RCCD1: variants seen among roughly 807,000 people sequenced by gnomAD.
RCCD1 encodes the protein RCC1 domain-containing protein 1.
Under a neutral mutation model 37.6 loss-of-function variants are expected in RCCD1, and 40 were observed. That is an observed-to-expected ratio of 1.06 (90% CI 0.83 to 1.39). The LOEUF is 1.39. RCCD1 is among the 40% of genes most tolerant of loss of function. RCCD1 has a pLI of 0.00. For missense variants in RCCD1, 577 were observed against 517.3 expected (o/e 1.12, Z -1.12); for synonymous variants, 263 against 230.0 (o/e 1.14, Z -1.30).
chr15:90,955,940 TA>T (rs1324853177), intron 1 of RCCD1: 1 of 152,150 alleles, frequency 6.6e-6, no homozygotes, highest in East Asian at 1.9e-4. Context: ...TGTCCAGGGA[TA>T]ATTTTTTTGT....
At chr15:90,959,248 T>C (rs1422155401) in intron 4 of RCCD1, among the ~76,000 whole-genome samples, 1 of 152,196 alleles carries the variant, frequency 6.6e-6, no homozygotes, top group Non-Finnish European at 1.5e-5. Context: ...ATTAAGTGAT[T>C]ATATTTGAAA....
At chr15:90,961,435 G>C (rs12914031) in intron 7 of RCCD1, 183 bp from the exon 8 acceptor site, 39,939 of 621,456 alleles carry the variant, frequency 0.064, 1,694 homozygotes, top group South Asian at 0.15. Context: ...GTCTTGCCTG[G>C]AGTGGCTGGT....
At position 90,962,343 on chromosome 15, in the gene RCCD1, G is replaced by A. The variant is rs2037332504; in HGVS notation, c.*574G>A. On this transcript the variant is annotated 3_prime_UTR_variant, in exon 8 of 8. Coordinates refer to ENST00000394258, the MANE Select transcript of RCCD1 (RefSeq NM_001017919.2). ...TATGAATAATACCTCAAGTGATACA[G>A]CCTTGTTGATGGTCATTTTTATTGT... The A allele has an allele frequency of 6.6e-6, 1 of 152,190 alleles. No homozygotes were observed. 9.4% of individuals were successfully genotyped at this position (152,190 alleles called of 1,614,324 possible). A position where few individuals can be genotyped will look rare whatever the true frequency, so the allele number is the denominator to read the frequency against.
At chr15:90,960,583 A>G in intron 6 of RCCD1, 85 bp downstream of exon 6, 1 of 1,344,698 alleles carries the variant, frequency 7.4e-7, no homozygotes, top group Non-Finnish European at 1.0e-6. Flanking sequence ...TTCTGTCTTA[A>G]GGCTTCTGTG....
At chr15:90,957,563 C>A in intron 3 of RCCD1, 41 bp from the exon 4 acceptor site, 3 of 1,612,936 alleles carry the variant, frequency 1.9e-6, no homozygotes, top group Non-Finnish European at 2.5e-6. Context: ...GAGCGGGACC[C>A]CTTAATGCGA....
Position 90,962,949 on chromosome 15 carries a change from T to C in RCCD1, c.*1180T>C, listed in dbSNP as rs2037343138. On this transcript the variant is annotated 3_prime_UTR_variant, in exon 8 of 8. Coordinates refer to ENST00000394258, the MANE Select transcript of RCCD1 (RefSeq NM_001017919.2). ...AAAGTGCTTTACAAGTATCAACTTA[T>C]TTTGATAAAATAAGCTTATCAGTAG... The C allele has an allele frequency of 6.6e-6, 1 of 152,226 alleles. No individual in the cohort carries two copies. The highest frequency in any genetic ancestry group is 1.5e-5 in the Non-Finnish European group (1 of 68,048). 9.4% of individuals were successfully genotyped at this position (152,226 alleles called of 1,614,324 possible).
rs1306164911 is a variant in RCCD1 at position 90,963,109 on chromosome 15, G to T, written c.*1340G>T. 1 of 152,106 alleles carries T rather than the reference G, an allele frequency of 6.6e-6. No homozygotes were observed. Among genetic ancestry groups the T allele is most frequent in the East Asian group, 1.9e-4 (1 of 5,200 alleles). The allele number at this position is 152,106 out of a possible 1,614,324, so 9.4% of individuals were successfully genotyped here. A position where few individuals can be genotyped will look rare whatever the true frequency, so the allele number is the denominator to read the frequency against. On this transcript the variant is annotated 3_prime_UTR_variant, in exon 8 of 8. Transcript: ENST00000394258. ...TTATGTTCAATAAAAAACAAAAATT[G>T]TTTTTAACCATTTTAAGTACATAGT...
rs2037326054 is a variant in RCCD1 at position 90,962,013 on chromosome 15, T to C, written c.*244T>C. On this transcript the variant is annotated 3_prime_UTR_variant, in exon 8 of 8. Transcript: ENST00000394258. Reference sequence around the variant, plus strand: ...AATGAAACAATGAAACCAGAGCTTCTAGGTGTGTGGCCTGGATAGTGGTAG... The same window carrying C: ...AATGAAACAATGAAACCAGAGCTTCCAGGTGTGTGGCCTGGATAGTGGTAG... 1 of 295,104 alleles carries C rather than the reference T, an allele frequency of 3.4e-6. No individual in the cohort carries two copies. Among genetic ancestry groups the C allele is most frequent in the Non-Finnish European group, 6.3e-6 (1 of 157,836 alleles). The allele number at this position is 295,104 out of a possible 1,614,324, so 18.3% of individuals were successfully genotyped here. A position where few individuals can be genotyped will look rare whatever the true frequency, so the allele number is the denominator to read the frequency against.
rs79548680 is a variant in RCCD1, at chr15:90,962,549, G to A, written c.*780G>A. The A allele has an allele frequency of 6.6e-6, 1 of 152,114 alleles. No individual in the cohort carries two copies. The highest frequency in any genetic ancestry group is 6.6e-5 in the Admixed American group (1 of 15,266). 9.4% of individuals were successfully genotyped at this position (152,114 alleles called of 1,614,324 possible). ...TAAAATGTCAGGTAGATGCACACTG[G>A]TTTTAATTGGCATTTCCCTGGATAC... On this transcript the variant is annotated 3_prime_UTR_variant, in exon 8 of 8. Transcript: ENST00000394258.
rs377530503 is a variant in RCCD1, at chr15:90,961,700, C to G, written c.1062C>G (p.Leu354=). The stretch of plus-strand genomic sequence containing the variant: ...TGGAATACTTTGTAGATAAGCAACT[C>G]CAAGTAAAGGCTGTCACCTGTGGGC... The part of the protein sequence containing the change: ...RRVEYFVDKQ[L]QVKAVTCGPW... The change falls in exon 8 of 8, where the codon CTC becomes CTG. Residue 354 remains leucine (L), a synonymous_variant. Coordinates refer to ENST00000394258, the MANE Select transcript of RCCD1 (RefSeq NM_001017919.2). The G allele has an allele frequency of 6.2e-7, 1 of 1,614,154 alleles. No homozygotes were observed. The highest frequency in any genetic ancestry group is 1.3e-5 in the African/African-American group (1 of 75,036).
In RCCD1 at chr15:90,959,985, T is replaced by G. The variant is rs1238984188; in HGVS notation, c.765T>G (p.Thr255=). The G allele has an allele frequency of 6.2e-7, 1 of 1,612,958 alleles. No homozygotes were observed. The highest frequency in any genetic ancestry group is 1.1e-5 in the South Asian group (1 of 90,968). Residue 255 remains threonine (T), a synonymous_variant, in exon 5 of 8, where the codon ACT becomes ACG. Coordinates refer to ENST00000394258, the MANE Select transcript of RCCD1 (RefSeq NM_001017919.2). The part of the protein sequence containing the change: ...PTRNLAEDGE[T]VAREATELNE... ...GGAACCTGGCAGAGGATGGAGAGAC[T>G]GTCGCAAGGGAAGGTGAGGGTCATC... is the stretch of plus-strand genomic sequence containing the variant.
Position 90,962,305 on chromosome 15 carries a change from T to C in RCCD1, c.*536T>C, listed in dbSNP as rs2037331846. ...CCTGGAGTTCATTTTTAATGCTATA[T>C]GGTGTTCTGTTGTATGAATAATACC... On this transcript the variant is annotated 3_prime_UTR_variant, in exon 8 of 8. Coordinates refer to ENST00000394258, the MANE Select transcript of RCCD1 (RefSeq NM_001017919.2). 6.5e-6 allele frequency: 1 copy of C among 152,686 alleles called. No homozygotes were observed. Among genetic ancestry groups the C allele is most frequent in the Non-Finnish European group, 1.5e-5 (1 of 68,372 alleles). 9.5% of individuals were successfully genotyped at this position (152,686 alleles called of 1,614,324 possible).
At chr15:90,959,757 G>A (rs573281639) in intron 4 of RCCD1, 143 bp from the exon 5 acceptor site, 20 of 572,518 alleles carry the variant, frequency 3.5e-5, no homozygotes, top group East Asian at 3.4e-4. Flanking sequence ...CCTGGGGCCC[G>A]AGGGGAAGCG....
Position 90,959,513 on chromosome 15 carries a change from T to C in RCCD1, c.680-387T>C, listed in dbSNP as rs80179105. ...TATTGCTGAGGCTAGTCTCGAACTTTTGAGCTCAAGTGATCTACCCATCTC... is the reference window on the plus strand; with the variant it reads ...TATTGCTGAGGCTAGTCTCGAACTTCTGAGCTCAAGTGATCTACCCATCTC... On this transcript the variant is annotated intron_variant, in intron 4 of 7. Coordinates refer to ENST00000394258, the MANE Select transcript of RCCD1 (RefSeq NM_001017919.2). 3.0e-4 allele frequency among the ~76,000 whole-genome samples: 46 copies of C among 152,292 alleles called. 1 individual carries two copies. In the East Asian group the frequency reaches 6.2e-3, roughly 20 times the overall value.
chr15:90,960,361 A>G lies in RCCD1; in HGVS notation c.812A>G (p.Lys271Arg). The change falls in exon 6 of 8, where the codon AAG becomes AGG. Residue 271 changes from lysine (K) to arginine (R), a missense_variant. By Grantham distance (26) the Lys-to-Arg change is conservative. Transcript: ENST00000394258. ...CTGAATGAAGATGGTTCTCAGGTGA[A>G]GAGAACGGGTGGGGCTGAGGATGGA... ...TELNEDGSQV[K>R]RTGGAEDGAP... 6.2e-7 allele frequency: 1 copy of G among 1,612,512 alleles called. No homozygotes were observed.
chr15:90,958,860 G>A (rs869523), intron 4 of RCCD1, among the ~76,000 whole-genome samples: 4,378 of 150,294 alleles, frequency 0.029, 223 homozygotes, highest in African/African-American at 0.1. Flanking sequence ...TGAGCCACGC[G>A]TGAGTGGAGG....
In RCCD1 at chr15:90,959,990, C is replaced by A. The variant is rs758327549; in HGVS notation, c.770C>A (p.Ala257Glu). The change falls in exon 5 of 8, where the codon GCA (alanine) becomes GAA (glutamate). Residue 257 changes from alanine to glutamate, a missense_variant. By Grantham distance (107) the Ala-to-Glu change is moderately radical. Transcript: ENST00000394258. ...RNLAEDGETV[A>E]REATELNEDG... Reference sequence around the variant, plus strand: ...CTGGCAGAGGATGGAGAGACTGTCGCAAGGGAAGGTGAGGGTCATCTCGGC... The same window carrying A: ...CTGGCAGAGGATGGAGAGACTGTCGAAAGGGAAGGTGAGGGTCATCTCGGC... 2 of 1,612,322 alleles carry A rather than the reference C, an allele frequency of 1.2e-6. No homozygotes were observed. Among genetic ancestry groups the A allele is most frequent in the African/African-American group, 1.3e-5 (1 of 74,892 alleles).
rs145551283 is a variant in RCCD1, at chr15:90,960,722, C to T, written c.949+224C>T. The T allele has an allele frequency of 6.1e-3, 3,733 of 611,676 alleles. 20 individuals are homozygous for T. The highest frequency in any genetic ancestry group is 8.6e-3 in the Non-Finnish European group (2,992 of 347,388). The allele number at this position is 611,676 out of a possible 1,614,324, so 37.9% of individuals were successfully genotyped here. A position where few individuals can be genotyped will look rare whatever the true frequency, so the allele number is the denominator to read the frequency against. ...TGGGAGGCTGATGCTTTCTGTCCTC[C>T]CTGCACGGCCACAGACACATTCCCT... is the stretch of plus-strand genomic sequence containing the variant. On this transcript the variant is annotated intron_variant, in intron 6 of 7. Coordinates refer to ENST00000394258, the MANE Select transcript of RCCD1 (RefSeq NM_001017919.2).
At position 90,962,863 on chromosome 15, in the gene RCCD1, C is replaced by A. The variant is rs766762589; in HGVS notation, c.*1094C>A. On this transcript the variant is annotated 3_prime_UTR_variant, in exon 8 of 8. Transcript: ENST00000394258. ...CTGCTACAATGTAGTTTGTTTCAGT[C>A]TCTCTTGGTATTACCAATTTTAATA... 1 of 152,156 alleles carries A rather than the reference C, an allele frequency of 6.6e-6. No individual in the cohort carries two copies. The highest frequency in any genetic ancestry group is 1.5e-5 in the Non-Finnish European group (1 of 68,016). 9.4% of individuals were successfully genotyped at this position (152,156 alleles called of 1,614,324 possible).
Sources: gnomAD v4.1 joint callset for allele counts (sites outside exome capture counted in the v4.1 genomes callset) on GRCh38, gnomAD v4.1.1 for gene constraint, MANE v1.5 for transcripts, NCBI Gene and HGNC (gene_info 2026-07-23, HGNC 2026-07-21) for gene names.